The following HSP90AB1 variants were observed in gnomAD, a reference collection of about 807,000 sequenced individuals.
HSP90AB1 encodes heat shock protein 90 alpha family class B member 1.
In HSP90AB1, 17 loss-of-function variants were observed where a neutral mutation model predicts 67.8. That is an observed-to-expected ratio of 0.25 (90% CI 0.17 to 0.38). The LOEUF (loss-of-function observed/expected upper bound fraction) is 0.38, where lower values mean the gene tolerates loss of function less well. Among genes scored for constraint, HSP90AB1 ranks in the 10% least tolerant of loss-of-function variants. HSP90AB1 has a pLI of 1.00. For missense variants in HSP90AB1, 690 were observed against 899.9 expected (o/e 0.77, Z 2.98); for synonymous variants, 390 against 312.9 (o/e 1.25, Z -2.60).
Position 44,249,840 on chromosome 6 carries a change from T to C in HSP90AB1, c.514+6T>C, listed in dbSNP as rs756059314. On this transcript the variant is annotated splice_donor_region_variant and intron_variant, in intron 4 of 11. Coordinates refer to ENST00000371646, the MANE Select transcript of HSP90AB1 (RefSeq NM_007355.4). Reference sequence around the variant, plus strand: ...CACTGTGCGTGCTGACCATGGTAAGTTAGCTTTTCTGTTACAAGGTAGTTG... The same window carrying C: ...CACTGTGCGTGCTGACCATGGTAAGCTAGCTTTTCTGTTACAAGGTAGTTG... The C allele has an allele frequency of 3.1e-6, 5 of 1,601,708 alleles. No homozygotes were observed. The South Asian group carries it at 5.6e-5, about 18-fold the overall frequency.
rs755043715 is a variant in HSP90AB1, at chr6:44,250,588, T to C, written c.946T>C (p.Leu316=). Residue 316 remains leucine, a synonymous_variant, in exon 6 of 12, where the codon TTG becomes CTG. Coordinates refer to ENST00000371646, the MANE Select transcript of HSP90AB1 (RefSeq NM_007355.4). ...CCTCACTAATGACTGGGAAGACCAC[T>C]TGGCAGTCAAGGTGTGAGAAGCCTT... is the stretch of plus-strand genomic sequence containing the variant. The part of the protein sequence containing the change: ...KSLTNDWEDH[L]AVKHFSVEGQ... 19 of 1,598,706 alleles carry C rather than the reference T, an allele frequency of 1.2e-5. No homozygotes were observed. In the South Asian group the frequency reaches 2.1e-4, roughly 18 times the overall value.
upstream of HSP90AB1, among the ~76,000 whole-genome samples, chr6:44,246,699 C>G (rs1570920): frequency 0.085 from 12,957 of 152,204 alleles, 809 homozygotes; most frequent in East Asian, 0.29. Flanking sequence ...GGTCTGGGAG[C>G]GGTGGTCCGC....
At chr6:44,250,990 G>T in intron 6 of HSP90AB1, 58 bp from the exon 7 acceptor site, 1 of 1,400,278 alleles carries the variant, frequency 7.1e-7, no homozygotes. Flanking sequence ...AGATAATTTG[G>T]TGTTGGGGCT....
Position 44,253,596 on chromosome 6 carries a change from T to G in HSP90AB1, c.2173T>G (p.Ter725GluextTer5). Residue 725 changes from the stop codon to glutamate (E), a stop_lost, in exon 12 of 12, where the codon TAG becomes GAG. Transcript: ENST00000371646. ...EDASRMEEVD[*>E] ...TGCGTCTCGCATGGAAGAAGTCGAT[T>G]AGGTTAGGAGTTCATAGTTGGAAAA... 6.2e-7 allele frequency: 1 copy of G among 1,612,172 alleles called. No homozygotes were observed. The highest frequency in any genetic ancestry group is 2.2e-5 in the East Asian group (1 of 44,868).
At chr6:44,248,526 A>G in intron 1 of HSP90AB1, 104 bp from the exon 2 acceptor site, 3 of 1,039,064 alleles carry the variant, frequency 2.9e-6, no homozygotes, top group Non-Finnish European at 2.8e-6. Context: ...CGGTTAAACC[A>G]GTCTGAACTC....
intron 2 of HSP90AB1, among the ~76,000 whole-genome samples, 187 bp from the exon 3 acceptor site, chr6:44,249,190 T>C (rs1780349411): frequency 6.6e-6 from 1 of 152,086 alleles, no homozygotes; most frequent in East Asian, 1.9e-4. Context: ...AATTAAATAT[T>C]AGTTGGGCAC....
At position 44,251,544 on chromosome 6, in the gene HSP90AB1, C is replaced by G; in HGVS notation, c.1250C>G (p.Ser417Cys). Residue 417 changes from serine to cysteine, a missense_variant, in exon 8 of 12, where the codon TCT (serine) becomes TGT (cysteine). Ser to Cys is a moderately radical substitution (Grantham distance 112). Around this residue, in one of 7 missense-constraint regions of HSP90AB1, gnomAD observed 206 missense variants for 221.4 expected, o/e 0.93. Coordinates refer to ENST00000371646, the MANE Select transcript of HSP90AB1 (RefSeq NM_007355.4). Reference sequence around the variant, plus strand: ...GTTAAGAAGTGCCTTGAGCTCTTCTCTGAGCTGGCAGAAGACAAGGAGAAT... The same window carrying G: ...GTTAAGAAGTGCCTTGAGCTCTTCTGTGAGCTGGCAGAAGACAAGGAGAAT... ...NIVKKCLELF[S>C]ELAEDKENYK... 6.2e-7 allele frequency: 1 copy of G among 1,611,056 alleles called. No individual in the cohort carries two copies. The highest frequency in any genetic ancestry group is 8.5e-7 in the Non-Finnish European group (1 of 1,178,062).
chr6:44,250,403 G>T lies in HSP90AB1; in HGVS notation c.761G>T (p.Gly254Val). ...DEEKPKIEDV[G>V]SDEEDDSGKD... ...GAAAAACCCAAGATCGAAGATGTGG[G>T]TTCAGATGAGGAGGATGACAGCGGT... Residue 254 changes from glycine to valine, a missense_variant, in exon 6 of 12, where the codon GGT (glycine) becomes GTT (valine). Physicochemically the swap from Gly to Val is moderately radical, Grantham distance 109. This residue lies in a region of HSP90AB1 where 146 missense variants were observed against 143.7 expected (regional missense o/e 1.02). Coordinates refer to ENST00000371646, the MANE Select transcript of HSP90AB1 (RefSeq NM_007355.4). 1 of 1,613,668 alleles carries T rather than the reference G, an allele frequency of 6.2e-7. No individual in the cohort carries two copies. The highest frequency in any genetic ancestry group is 1.1e-5 in the South Asian group (1 of 91,062).
In HSP90AB1 at chr6:44,250,057, A is replaced by G. The variant is rs1183576477; in HGVS notation, c.551A>G (p.His184Arg). ...PIGRGTKVIL[H>R]LKEDQTEYLE... is the part of the protein sequence containing the mutation. ...GGCAGGGGTACCAAAGTGATCCTCC[A>G]TCTTAAAGAAGATCAGACAGAGTAC... The change falls in exon 5 of 12, where the codon CAT becomes CGT. Residue 184 changes from histidine (H) to arginine (R), a missense_variant. His to Arg is a conservative substitution (Grantham distance 29). Transcript: ENST00000371646. The G allele has an allele frequency of 5.0e-6, 8 of 1,614,018 alleles. No individual in the cohort carries two copies. Among genetic ancestry groups the G allele is most frequent in the Admixed American group, 1.7e-5 (1 of 60,006 alleles).
intron 10 of HSP90AB1, 68 bp from the exon 11 acceptor site, chr6:44,252,977 G>GC: frequency 7.5e-7 from 1 of 1,337,994 alleles, no homozygotes; most frequent in South Asian, 1.3e-5. Context: ...CTGGAATTAG[G>GC]CTTGACAATG....
chr6:44,251,008 C>T (rs1420969699), intron 6 of HSP90AB1, 40 bp from the exon 7 acceptor site: 4 of 1,581,484 alleles, frequency 2.5e-6, no homozygotes, highest in East Asian at 2.2e-5. Context: ...GCTAAAAGGT[C>T]CTCTTTTGAA....
chr6:44,247,379 T>A (rs890393907), intron 1 of HSP90AB1, among the ~76,000 whole-genome samples, 184 bp downstream of exon 1: 1 of 151,968 alleles, frequency 6.6e-6, no homozygotes, highest in African/African-American at 2.4e-5. Context: ...CGGTTTTCTC[T>A]AGTGTGTTTG....
Position 44,253,598 on chromosome 6 carries a change from G to T in HSP90AB1, c.2175G>T (p.Ter725TyrextTer5). The T allele has an allele frequency of 6.2e-7, 1 of 1,611,722 alleles. No individual in the cohort carries two copies. The highest frequency in any genetic ancestry group is 8.5e-7 in the Non-Finnish European group (1 of 1,177,840). The change falls in exon 12 of 12, where the codon TAG becomes TAT. Residue 725 changes from the stop codon to tyrosine (Y), a stop_lost. Coordinates refer to ENST00000371646, the MANE Select transcript of HSP90AB1 (RefSeq NM_007355.4). The part of the protein sequence containing the change: ...EDASRMEEVD[*>Y] Reference sequence around the variant, plus strand: ...CGTCTCGCATGGAAGAAGTCGATTAGGTTAGGAGTTCATAGTTGGAAAACT... The same window carrying T: ...CGTCTCGCATGGAAGAAGTCGATTATGTTAGGAGTTCATAGTTGGAAAACT...
Position 44,251,810 on chromosome 6 carries a change from G to C in HSP90AB1, c.1388G>C (p.Gly463Ala), listed in dbSNP as rs1368861823. The C allele has an allele frequency of 6.2e-7, 1 of 1,613,152 alleles. No individual in the cohort carries two copies. Among genetic ancestry groups the C allele is most frequent in the South Asian group, 1.1e-5 (1 of 91,042 alleles). The change falls in exon 9 of 12, where the codon GGA becomes GCA. Residue 463 changes from glycine (G) to alanine (A), a missense_variant. By Grantham distance (60) the Gly-to-Ala change is moderately conservative. Coordinates refer to ENST00000371646, the MANE Select transcript of HSP90AB1 (RefSeq NM_007355.4). ...ELLRYHTSQS[G>A]DEMTSLSEYV... is the part of the protein sequence containing the mutation. ...CTGCGCTATCATACCTCCCAGTCTG[G>C]AGATGAGATGACATCTCTGTCAGAG...
Position 44,252,998 on chromosome 6 carries a change from C to A in HSP90AB1, c.1732-47C>A, listed in dbSNP as rs761697853. The A allele has an allele frequency of 3.3e-6, 5 of 1,511,004 alleles. No homozygotes were observed. The Admixed American group carries it at 5.1e-5, about 15-fold the overall frequency. The allele number at this position is 1,511,004 out of a possible 1,614,324, so 93.6% of individuals were successfully genotyped here. A position where few individuals can be genotyped will look rare whatever the true frequency, so the allele number is the denominator to read the frequency against. On this transcript the variant is annotated intron_variant, in intron 10 of 11. Transcript: ENST00000371646. ...TTAGGCTTGACAATGCCTGTTTTCT[C>A]TTTCAAAGTGGTAATGTCAATCTAA... is the stretch of plus-strand genomic sequence containing the variant.
upstream of HSP90AB1, among the ~76,000 whole-genome samples, chr6:44,246,585 C>T (rs535205859): frequency 2.6e-5 from 4 of 152,366 alleles, no homozygotes; most frequent in African/African-American, 7.2e-5. Flanking sequence ...CCTTCCTCTA[C>T]TCCTGCGAGA....
At chr6:44,246,718 C>T (rs1779942905), upstream of HSP90AB1, among the ~76,000 whole-genome samples, 1 of 152,122 alleles carries the variant, frequency 6.6e-6, no homozygotes, top group Non-Finnish European at 1.5e-5. Flanking sequence ...GCGTGGTTAG[C>T]TGCCTCCGCT....
chr6:44,246,544 G>A (rs1364196194), upstream of HSP90AB1, among the ~76,000 whole-genome samples: 1 of 152,116 alleles, frequency 6.6e-6, no homozygotes, highest in Non-Finnish European at 1.5e-5. Context: ...CTCCCCCTAC[G>A]CTGAGCTGCC....
rs370988754 is a variant in HSP90AB1, at chr6:44,249,822, C to T, written c.502C>T (p.Arg168Cys). ...ESSAGGSFTV[R>C]ADHGEPIGRG... ...TTCTGCTGGAGGTTCCTTCACTGTG[C>T]GTGCTGACCATGGTAAGTTAGCTTT... Residue 168 changes from arginine to cysteine, a missense_variant, in exon 4 of 12, where the codon CGT becomes TGT. By Grantham distance (180) the Arg-to-Cys change is radical. Coordinates refer to ENST00000371646, the MANE Select transcript of HSP90AB1 (RefSeq NM_007355.4). 1.8e-5 allele frequency: 29 copies of T among 1,607,272 alleles called. No individual in the cohort carries two copies. Among genetic ancestry groups the T allele is most frequent in the African/African-American group, 5.4e-5 (4 of 74,670 alleles).
Sources: gnomAD v4.1 joint callset for allele counts (sites outside exome capture counted in the v4.1 genomes callset) on GRCh38, gnomAD v4.1.1 for gene constraint, gnomAD v4.1.1 regional missense constraint, MANE v1.5 for transcripts, NCBI Gene and HGNC (gene_info 2026-07-23, HGNC 2026-07-21) for gene names.